The following HIVEP1 variants were observed in gnomAD, a reference collection of about 807,000 sequenced individuals.
The protein encoded by HIVEP1 is zinc finger protein 40.
In HIVEP1, 36 loss-of-function variants were observed where a neutral mutation model predicts 180.0. The observed-to-expected ratio is 0.20, with a 90% CI of 0.15 to 0.26. HIVEP1 has a LOEUF of 0.26. HIVEP1 is among the 10% of genes least tolerant of loss of function. The pLI, the probability that HIVEP1 is intolerant of heterozygous loss-of-function variation, is 1.00. For synonymous variants in HIVEP1, 1,239 were observed against 1,239.0 expected (o/e 1.00, Z 0.00); for missense variants, 3,143 against 3,268.7 (o/e 0.96, Z 0.94).
In HIVEP1 at chr6:12,141,691, C is replaced by CAAAAAAA. The variant is rs60419579; in HGVS notation, c.6487+5822_6487+5828dup. Among the ~76,000 whole-genome samples, 125 of 19,240 alleles carry CAAAAAAA rather than the reference C, an allele frequency of 6.5e-3. 27 individuals are homozygous for CAAAAAAA. The East Asian group carries it at 0.077, about 12-fold the overall frequency. The allele number at this position is 19,240 out of a possible 152,430, so 12.6% of individuals were successfully genotyped here. A position where few individuals can be genotyped will look rare whatever the true frequency, so the allele number is the denominator to read the frequency against. On this transcript the variant is annotated intron_variant, in intron 7 of 8. Coordinates refer to ENST00000379388, the MANE Select transcript of HIVEP1 (RefSeq NM_002114.4). ...GAAGATCTACCAAGCAAATGGAAAG[C>CAAAAAAA]AAAAAAAAAAAAAAAAAAAAAAAAA...
chr6:12,125,632 A>C lies in HIVEP1; in HGVS notation c.5837A>C (p.Tyr1946Ser), dbSNP rs528585571. 1.1e-5 allele frequency: 17 copies of C among 1,614,232 alleles called. No individual in the cohort carries two copies. The East Asian group carries it at 3.1e-4, about 30-fold the overall frequency. The change falls in exon 4 of 9, where the codon TAT becomes TCT. Residue 1946 changes from tyrosine to serine, a missense_variant. Tyr to Ser is a moderately radical substitution (Grantham distance 144). Transcript: ENST00000379388. ...LKTTTNFTWC[Y>S]LLRQKSLHLP... Reference sequence around the variant, plus strand: ...ACTACAACCAACTTTACATGGTGTTATCTCTTAAGGCAGAAGTCGTTGCAT... The same window carrying C: ...ACTACAACCAACTTTACATGGTGTTCTCTCTTAAGGCAGAAGTCGTTGCAT...
chr6:12,081,035 T>C (rs895249782), intron 2 of HIVEP1, among the ~76,000 whole-genome samples: 1 of 152,154 alleles, frequency 6.6e-6, no homozygotes, highest in Admixed American at 6.6e-5. Flanking sequence ...TCTTGGTACC[T>C]GTGTCACTCT....
intron 2 of HIVEP1, among the ~76,000 whole-genome samples, chr6:12,046,784 A>G (rs1432099856): frequency 1.1e-5 from 1 of 90,204 alleles, no homozygotes; most frequent in African/African-American, 5.3e-5. Context: ...TCTCAAAATT[A>G]AAAAAAAGAA....
At chr6:12,051,580 T>C (rs1484139947) in intron 2 of HIVEP1, among the ~76,000 whole-genome samples, 1 of 151,954 alleles carries the variant, frequency 6.6e-6, no homozygotes, top group African/African-American at 2.4e-5. Context: ...CATTTTATTA[T>C]TTCACCCTAA....
intron 2 of HIVEP1, among the ~76,000 whole-genome samples, chr6:12,034,260 G>A (rs1026069200): frequency 1.3e-5 from 2 of 152,210 alleles, no homozygotes. Flanking sequence ...TGTGTCTCTT[G>A]AGGCTGGTCT....
chr6:12,163,966 A>C lies in HIVEP1; in HGVS notation c.7662A>C (p.Leu2554Phe). ...LQILNIALPT[L>F]IPSVSQVAVD... ...TCTTGAACATAGCATTGCCCACCTT[A>C]ATCCCCTCAGTCAGTCAAGTAGCCG... The change falls in exon 9 of 9, where the codon TTA becomes TTC. Residue 2554 changes from leucine to phenylalanine, a missense_variant. Coordinates refer to ENST00000379388, the MANE Select transcript of HIVEP1 (RefSeq NM_002114.4). The C allele has an allele frequency of 2.5e-6, 4 of 1,614,032 alleles. No homozygotes were observed. The highest frequency in any genetic ancestry group is 3.4e-6 in the Non-Finnish European group (4 of 1,180,012).
At position 12,131,034 on chromosome 6, in the gene HIVEP1, T is replaced by C. The variant is rs1252262907; in HGVS notation, c.6385+92T>C. On this transcript the variant is annotated intron_variant, in intron 6 of 8. Transcript: ENST00000379388. Reference sequence around the variant, plus strand: ...TGTGCGTTTTCTTTGACCGATGAAATAGCAGCTTAAATAGACTAATGTCAA... The same window carrying C: ...TGTGCGTTTTCTTTGACCGATGAAACAGCAGCTTAAATAGACTAATGTCAA... 1.3e-5 allele frequency: 11 copies of C among 842,396 alleles called. 1 individual carries two copies. The allele number at this position is 842,396 out of a possible 1,614,324, so 52.2% of individuals were successfully genotyped here.
chr6:12,017,124 T>G (rs1479197236), intron 2 of HIVEP1, among the ~76,000 whole-genome samples: 1 of 152,234 alleles, frequency 6.6e-6, no homozygotes, highest in Non-Finnish European at 1.5e-5. Context: ...TTCATAACAT[T>G]CTAGATAAAA....
intron 7 of HIVEP1, among the ~76,000 whole-genome samples, chr6:12,160,717 T>C (rs574425578): frequency 1.2e-4 from 19 of 152,270 alleles, no homozygotes; most frequent in African/African-American, 4.3e-4. Context: ...GAAGTAACAG[T>C]GATTAGTGAC....
At chr6:12,017,809 TTAGC>T (rs1767915734) in intron 2 of HIVEP1, among the ~76,000 whole-genome samples, 1 of 152,324 alleles carries the variant, frequency 6.6e-6, no homozygotes, top group East Asian at 1.9e-4. Context: ...TCACAATCCC[TTAGC>T]TAGACATAAA....
At chr6:12,184,800 G>C in the HIVEP1 span, among the ~76,000 whole-genome samples, 1 of 152,066 alleles carries the variant, frequency 6.6e-6, no homozygotes, top group South Asian at 2.1e-4. Context: ...AGAGTAAAAG[G>C]TTCAGCTGAA....
intron 2 of HIVEP1, among the ~76,000 whole-genome samples, chr6:12,031,404 A>G (rs1241418983): frequency 1.3e-5 from 2 of 152,162 alleles, no homozygotes; most frequent in African/African-American, 4.8e-5. Context: ...TGGCTCACCT[A>G]CCAGAACTCC....
In HIVEP1 at chr6:12,073,732, A is replaced by G. The variant is rs148756470; in HGVS notation, c.41-15452A>G. On this transcript the variant is annotated intron_variant, in intron 2 of 8. Transcript: ENST00000379388. ...TTAGTCTCATATAGGCTATTCTGCC[A>G]TTACCAGAAGCCTGAGTCCTAAGTG... Among the ~76,000 whole-genome samples, 145 of 152,308 alleles carry G rather than the reference A, an allele frequency of 9.5e-4. 6 individuals carry two copies. In the East Asian group the frequency reaches 0.024, roughly 26 times the overall value.
intron 7 of HIVEP1, among the ~76,000 whole-genome samples, chr6:12,138,539 C>T (rs917802211): frequency 6.6e-6 from 1 of 152,164 alleles, no homozygotes; most frequent in Non-Finnish European, 1.5e-5. Context: ...ACCAGCTGTT[C>T]CTTTTCAGTC....
At chr6:12,110,383 A>G (rs532709283) in intron 3 of HIVEP1, among the ~76,000 whole-genome samples, 125 of 152,368 alleles carry the variant, frequency 8.2e-4, no homozygotes, top group African/African-American at 2.9e-3. Context: ...GTTTATCTAC[A>G]TAGAAAATCT....
In HIVEP1 at chr6:12,163,942, C is replaced by G; in HGVS notation, c.7638C>G (p.Ile2546Met). ...APQAHIPGLQ[I>M]LNIALPTLIP... is the part of the protein sequence containing the mutation. ...AGGCACACATTCCAGGTCTCCAGATCTTGAACATAGCATTGCCCACCTTAA... is the reference window on the plus strand; with the variant it reads ...AGGCACACATTCCAGGTCTCCAGATGTTGAACATAGCATTGCCCACCTTAA... Residue 2546 changes from isoleucine (I) to methionine (M), a missense_variant, in exon 9 of 9, where the codon ATC (isoleucine) becomes ATG (methionine). Physicochemically the swap from Ile to Met is conservative, Grantham distance 10. Transcript: ENST00000379388. 6.2e-7 allele frequency: 1 copy of G among 1,614,136 alleles called. No homozygotes were observed. Among genetic ancestry groups the G allele is most frequent in the South Asian group, 1.1e-5 (1 of 91,090 alleles).
At chr6:12,011,896 G>T (rs1198547673), upstream of HIVEP1, 1 of 43,100 alleles carries the variant, frequency 2.3e-5, no homozygotes, top group Admixed American at 2.8e-4. Flanking sequence ...GTCGCCGCCC[G>T]CGGCCTCCCC....
At chr6:12,146,873 C>T (rs1759405603) in intron 7 of HIVEP1, among the ~76,000 whole-genome samples, 1 of 152,012 alleles carries the variant, frequency 6.6e-6, no homozygotes, top group Admixed American at 6.6e-5. Context: ...GGCATGAGCC[C>T]AAATTTGGCA....
intron 7 of HIVEP1, among the ~76,000 whole-genome samples, chr6:12,138,488 G>T (rs115869493): frequency 6.6e-6 from 1 of 152,162 alleles, no homozygotes; most frequent in South Asian, 2.1e-4. Context: ...GCTGTGTCTG[G>T]AGGGTGCACT....
Sources: allele counts gnomAD v4.1 joint callset (sites outside exome capture counted in the v4.1 genomes callset), GRCh38; gene constraint gnomAD v4.1.1; transcripts MANE v1.5; gene names NCBI Gene and HGNC (gene_info 2026-07-23, HGNC 2026-07-21).